The following PRR36 variants were observed in gnomAD, a reference collection of about 807,000 sequenced individuals.
PRR36 encodes the protein proline rich 36.
A neutral mutation model predicts 58.6 loss-of-function variants in PRR36; 30 were observed. The observed-to-expected ratio is 0.51, with a 90% CI of 0.38 to 0.69. The LOEUF is 0.69. PRR36 is among the 30% of genes least tolerant of loss of function. The pLI is 0.00. For synonymous variants in PRR36, 771 were observed against 829.3 expected (o/e 0.93, Z 1.21); for missense variants, 1,692 against 1,805.6 (o/e 0.94, Z 1.14).
In PRR36 at chr19:7,869,971, G is replaced by A; in HGVS notation, c.3273C>T (p.Gly1091=). The change falls in exon 5 of 6, where the codon GGC becomes GGT. Residue 1091 remains glycine, a synonymous_variant. Coordinates refer to ENST00000618550, the MANE Select transcript of PRR36 (RefSeq NM_001190467.2). The part of the protein sequence containing the change: ...PTPGPDTSVS[G]PRLTLALAPG... ...GGGCCAACGCCAGGGTCAGCCGTGGGCCCGAGACGGAGGTATCCGGACCCG... is the reference window on the plus strand; with the variant it reads ...GGGCCAACGCCAGGGTCAGCCGTGGACCCGAGACGGAGGTATCCGGACCCG... The A allele has an allele frequency of 1.4e-6, 2 of 1,392,616 alleles. No homozygotes were observed. Among genetic ancestry groups the A allele is most frequent in the South Asian group, 3.1e-5 (2 of 64,020 alleles). The allele number at this position is 1,392,616 out of a possible 1,614,324, so 86.3% of individuals were successfully genotyped here.
rs1980355918 is a variant in PRR36, at chr19:7,870,487, G to C, written c.2757C>G (p.Pro919=). Residue 919 remains proline (P), a synonymous_variant, in exon 5 of 6, where the codon CCC becomes CCG. Transcript: ENST00000618550. Reference sequence around the variant, plus strand: ...CCTGCAGAGGAGGTGCGGCTAGAGAGGGTGGGGCCTGTGAAGGGGGCGTGG... The same window carrying C: ...CCTGCAGAGGAGGTGCGGCTAGAGACGGTGGGGCCTGTGAAGGGGGCGTGG... ...PSATPPSQAP[P]SLAAPPLQVP... 6 of 1,075,086 alleles carry C rather than the reference G, an allele frequency of 5.6e-6. No homozygotes were observed. The East Asian group carries it at 2.2e-4, about 39-fold the overall frequency. 66.6% of individuals were successfully genotyped at this position (1,075,086 alleles called of 1,614,324 possible).
chr19:7,868,999 G>C lies in PRR36; in HGVS notation c.*34C>G, dbSNP rs1568250299. On this transcript the variant is annotated 3_prime_UTR_variant, in exon 6 of 6. Coordinates refer to ENST00000618550, the MANE Select transcript of PRR36 (RefSeq NM_001190467.2). ...CCCGGAGGGGCGGATCCTAAGGCAG[G>C]GGTGGGGTGTAGCAGGCGGGGCTGT... The C allele has an allele frequency of 2.0e-6, 3 of 1,479,236 alleles. No homozygotes were observed. The highest frequency in any genetic ancestry group is 2.7e-6 in the Non-Finnish European group (3 of 1,116,878). 91.6% of individuals were successfully genotyped at this position (1,479,236 alleles called of 1,614,324 possible).
Position 7,870,844 on chromosome 19 carries a change from C to G in PRR36, c.2400G>C (p.Thr800=). The G allele has an allele frequency of 6.9e-7, 1 of 1,444,440 alleles. No homozygotes were observed. The highest frequency in any genetic ancestry group is 9.0e-7 in the Non-Finnish European group (1 of 1,106,442). 89.5% of individuals were successfully genotyped at this position (1,444,440 alleles called of 1,614,324 possible). A position where few individuals can be genotyped will look rare whatever the true frequency, so the allele number is the denominator to read the frequency against. Residue 800 remains threonine (T), a synonymous_variant, in exon 5 of 6, where the codon ACG becomes ACC. Transcript: ENST00000618550. ...PLQAPPSPLT[T]PPPETPSSIA... is the part of the protein sequence containing the mutation. ...TGGAAGAGGGCGTCTCCGGAGGGGG[C>G]GTGGTCAATGGCGAAGGTGGTGCTT...
At position 7,871,374 on chromosome 19, in the gene PRR36, C is replaced by T; in HGVS notation, c.1870G>A (p.Ala624Thr). Residue 624 changes from alanine (A) to threonine (T), a missense_variant, in exon 5 of 6, where the codon GCC (alanine) becomes ACC (threonine). By Grantham distance (58) the Ala-to-Thr change is moderately conservative. Coordinates refer to ENST00000618550, the MANE Select transcript of PRR36 (RefSeq NM_001190467.2). Reference protein sequence around the residue: ...TTSLGSPTLQATHSFLTMSPR... With the variant: ...TTSLGSPTLQTTHSFLTMSPR... The stretch of plus-strand genomic sequence containing the variant: ...GACATTGTCAGGAAAGAATGTGTGG[C>T]CTGCAGAGTGGGTGAGCCCAAAGAA... 6.5e-7 allele frequency: 1 copy of T among 1,535,370 alleles called. No individual in the cohort carries two copies. Among genetic ancestry groups the T allele is most frequent in the Non-Finnish European group, 8.7e-7 (1 of 1,146,776 alleles).
chr19:7,872,152 A>G lies in PRR36; in HGVS notation c.1092T>C (p.Cys364=), dbSNP rs1220334206. The G allele has an allele frequency of 1.3e-6, 2 of 1,493,634 alleles. No individual in the cohort carries two copies. Among genetic ancestry groups the G allele is most frequent in the Non-Finnish European group, 1.8e-6 (2 of 1,125,148 alleles). The allele number at this position is 1,493,634 out of a possible 1,614,324, so 92.5% of individuals were successfully genotyped here. A position where few individuals can be genotyped will look rare whatever the true frequency, so the allele number is the denominator to read the frequency against. ...PATPHSSSLT[C]QLATPLPLAP... is the part of the protein sequence containing the mutation. ...CTAGAGGAAGGGGCGTGGCCAACTG[A>G]CAGGTAAGGCTCGACGAGTGGGGCG... Residue 364 remains cysteine (C), a synonymous_variant, in exon 5 of 6, where the codon TGT becomes TGC. Transcript: ENST00000618550. This position sits in a 1 kb window ranked among gnomAD's most constrained non-coding sequence, Gnocchi z 6.1.
Position 7,869,197 on chromosome 19 carries a change from C to T in PRR36, c.3877G>A (p.Ala1293Thr). ...TCGGCGTCGCTGAGTGCAGCCCGGGCGCCCCCTGTGACGCCACCACCCTCC... is the reference window on the plus strand; with the variant it reads ...TCGGCGTCGCTGAGTGCAGCCCGGGTGCCCCCTGTGACGCCACCACCCTCC... ...GAEGGGVTGG[A>T]RAALSDAELG... Residue 1293 changes from alanine to threonine, a missense_variant, in exon 6 of 6, where the codon GCC (alanine) becomes ACC (threonine). Around this residue, in one of 5 missense-constraint regions of PRR36, gnomAD observed 485 missense variants for 549.2 expected, o/e 0.88. Transcript: ENST00000618550. 13 of 1,531,930 alleles carry T rather than the reference C, an allele frequency of 8.5e-6. No homozygotes were observed. The highest frequency in any genetic ancestry group is 1.2e-5 in the South Asian group (1 of 83,572). The allele number at this position is 1,531,930 out of a possible 1,614,324, so 94.9% of individuals were successfully genotyped here.
Position 7,871,621 on chromosome 19 carries a change from G to C in PRR36, c.1623C>G (p.Val541=). 6.5e-7 allele frequency: 1 copy of C among 1,536,002 alleles called. No individual in the cohort carries two copies. The highest frequency in any genetic ancestry group is 1.2e-5 in the South Asian group (1 of 84,060). The change falls in exon 5 of 6, where the codon GTC becomes GTG. Residue 541 remains valine, a synonymous_variant. Transcript: ENST00000618550. ...AAACTAGAGGAGGATCCTGCAGAGA[G>C]ACTGTGGTCAAAGGAGAGGGAGAGG... ...LQASPSPLTT[V]SLQDPPLVSP...
rs2145068306 is a variant in PRR36 at position 7,870,967 on chromosome 19, GTTCTCCA to G, written c.2270_2276del (p.Leu757ProfsTer5). On this transcript the variant is annotated frameshift_variant, in exon 5 of 6. Coordinates refer to ENST00000618550, the MANE Select transcript of PRR36 (RefSeq NM_001190467.2). LOFTEE classifies it high-confidence loss of function. ...GAGGAGGCGGGGCTAGAGAAGGTAGGTTCTCCAGAGGGGGTGTGGTCAGGGGAGCAGA... is the reference window on the plus strand; with the variant it reads ...GAGGAGGCGGGGCTAGAGAAGGTAGGGAGGGGGTGTGGTCAGGGGAGCAGA... 285 of 687,466 alleles carry G rather than the reference GTTCTCCA, an allele frequency of 4.1e-4. No individual in the cohort carries two copies. Among genetic ancestry groups the G allele is most frequent in the South Asian group, 3.0e-3 (45 of 15,024 alleles). The allele number at this position is 687,466 out of a possible 1,614,324, so 42.6% of individuals were successfully genotyped here. A position where few individuals can be genotyped will look rare whatever the true frequency, so the allele number is the denominator to read the frequency against.
At position 7,873,234 on chromosome 19, in the gene PRR36, G is replaced by T; in HGVS notation, c.337C>A (p.Pro113Thr). Residue 113 changes from proline (P) to threonine (T), a missense_variant, in exon 3 of 6, where the codon CCT becomes ACT. Pro to Thr is a conservative substitution (Grantham distance 38). Around this residue, in one of 5 missense-constraint regions of PRR36, gnomAD observed 975 missense variants for 955.2 expected, o/e 1.02. Coordinates refer to ENST00000618550, the MANE Select transcript of PRR36 (RefSeq NM_001190467.2). This position sits in a 1 kb window ranked among gnomAD's most constrained non-coding sequence, Gnocchi z 5.0. Reference protein sequence around the residue: ...APPAKNTSPGPVSSPGRASGT... With the variant: ...APPAKNTSPGTVSSPGRASGT... ...CTGGCACGCCCTGGGCTAGAAACAG[G>T]GCCTGGGCTGGTGTTCTTGGCAGGA... 7.2e-6 allele frequency: 11 copies of T among 1,536,064 alleles called. No homozygotes were observed. Among genetic ancestry groups the T allele is most frequent in the Non-Finnish European group, 9.6e-6 (11 of 1,146,860 alleles).
In PRR36 at chr19:7,871,694, G is replaced by A. The variant is rs1686739067; in HGVS notation, c.1550C>T (p.Thr517Ile). 1 of 1,536,058 alleles carries A rather than the reference G, an allele frequency of 6.5e-7. No individual in the cohort carries two copies. Among genetic ancestry groups the A allele is most frequent in the Non-Finnish European group, 8.7e-7 (1 of 1,146,874 alleles). Residue 517 changes from threonine to isoleucine, a missense_variant, in exon 5 of 6, where the codon ACT (threonine) becomes ATT (isoleucine). By Grantham distance (89) the Thr-to-Ile change is moderately conservative. Transcript: ENST00000618550. The stretch of plus-strand genomic sequence containing the variant: ...AAGAGGAGAGTCCTGCAGAGGAAGA[G>A]TGGCCAGAGTGTGGGGCGTGGCCTG... The part of the protein sequence containing the change: ...SLQATPHTLA[T>I]LPLQDSPLLA...
At position 7,872,781 on chromosome 19, in the gene PRR36, G is replaced by A. The variant is rs1395273754; in HGVS notation, c.488-25C>T. On this transcript the variant is annotated intron_variant, in intron 4 of 5. Transcript: ENST00000618550. The surrounding 1 kb of genome is among the most constrained non-coding windows in gnomAD (Gnocchi z 6.1). ...TCTGGAGAAAAAGTAGAAGGCCAAGGGTCACCGATACCTCTGAGGCGGCTC... is the reference window on the plus strand; with the variant it reads ...TCTGGAGAAAAAGTAGAAGGCCAAGAGTCACCGATACCTCTGAGGCGGCTC... 6.6e-7 allele frequency: 1 copy of A among 1,509,862 alleles called. No homozygotes were observed. Among genetic ancestry groups the A allele is most frequent in the East Asian group, 2.5e-5 (1 of 40,574 alleles). 93.5% of individuals were successfully genotyped at this position (1,509,862 alleles called of 1,614,324 possible). A position where few individuals can be genotyped will look rare whatever the true frequency, so the allele number is the denominator to read the frequency against.
rs1283252263 is a variant in PRR36 at position 7,872,622 on chromosome 19, A to G, written c.622T>C (p.Ser208Pro). Residue 208 changes from serine (S) to proline (P), a missense_variant, in exon 5 of 6, where the codon TCA becomes CCA. By Grantham distance (74) the Ser-to-Pro change is moderately conservative. Transcript: ENST00000618550. The surrounding 1 kb of genome is among the most constrained non-coding windows in gnomAD (Gnocchi z 6.1). The stretch of plus-strand genomic sequence containing the variant: ...CTGTGCTCCGAGGCGCTGCTCACTG[A>G]TTTCCGGGGGCCCTCTGTCGGGGGC... ...PRPPTEGPRKSVSSASEHSTT... is the reference protein window; with the variant it reads ...PRPPTEGPRKPVSSASEHSTT... 2 of 1,495,256 alleles carry G rather than the reference A, an allele frequency of 1.3e-6. No individual in the cohort carries two copies. The highest frequency in any genetic ancestry group is 1.4e-5 in the African/African-American group (1 of 70,732). 92.6% of individuals were successfully genotyped at this position (1,495,256 alleles called of 1,614,324 possible).
At chr19:7,869,606 C>G in intron 5 of PRR36, 62 bp from the exon 6 acceptor site, 2 of 1,486,004 alleles carry the variant, frequency 1.3e-6, no homozygotes, top group Non-Finnish European at 1.8e-6. Flanking sequence ...CCTCAAGGTC[C>G]CGCCTCCTTG....
At position 7,870,766 on chromosome 19, in the gene PRR36, C is replaced by A; in HGVS notation, c.2478G>T (p.Gln826His). Residue 826 changes from glutamine (Q) to histidine (H), a missense_variant, in exon 5 of 6, where the codon CAG becomes CAT. Gln to His is a conservative substitution (Grantham distance 24). Transcript: ENST00000618550. ...APPALASPPLQGLPSPPLSPL... is the reference protein window; with the variant it reads ...APPALASPPLHGLPSPPLSPL... ...GAGACAGAGGGGGAGAGGGCAGGCC[C>A]TGCAAAGGGGGTGAGGCCAGAGCAG... 3 of 1,395,082 alleles carry A rather than the reference C, an allele frequency of 2.2e-6. No individual in the cohort carries two copies. Among genetic ancestry groups the A allele is most frequent in the Non-Finnish European group, 2.8e-6 (3 of 1,080,090 alleles). The allele number at this position is 1,395,082 out of a possible 1,614,324, so 86.4% of individuals were successfully genotyped here. A position where few individuals can be genotyped will look rare whatever the true frequency, so the allele number is the denominator to read the frequency against.
At position 7,871,160 on chromosome 19, in the gene PRR36, G is replaced by C. The variant is rs1280616720; in HGVS notation, c.2084C>G (p.Ala695Gly). 1 of 1,535,474 alleles carries C rather than the reference G, an allele frequency of 6.5e-7. No homozygotes were observed. Among genetic ancestry groups the C allele is most frequent in the Admixed American group, 2.0e-5 (1 of 50,912 alleles). ...GAGAGGTGCCTGAGGAGAGTGGGAG[G>C]CCAGAGAAGATAGCGCCTGCAGAGG... ...IHPLQALSSL[A>G]SHSPQAPLSS... The change falls in exon 5 of 6, where the codon GCC (alanine) becomes GGC (glycine). Residue 695 changes from alanine (A) to glycine (G), a missense_variant. Around this residue, in one of 5 missense-constraint regions of PRR36, gnomAD observed 975 missense variants for 955.2 expected, o/e 1.02. Transcript: ENST00000618550.
rs1980301261 is a variant in PRR36 at position 7,869,965 on chromosome 19, C to T, written c.3279G>A (p.Arg1093=). The T allele has an allele frequency of 2.9e-6, 4 of 1,389,002 alleles. No individual in the cohort carries two copies. The highest frequency in any genetic ancestry group is 1.6e-5 in the South Asian group (1 of 63,394). 86.0% of individuals were successfully genotyped at this position (1,389,002 alleles called of 1,614,324 possible). A position where few individuals can be genotyped will look rare whatever the true frequency, so the allele number is the denominator to read the frequency against. ...PGPDTSVSGP[R]LTLALAPGPP... ...GGCCGGGGGCCAACGCCAGGGTCAG[C>T]CGTGGGCCCGAGACGGAGGTATCCG... The change falls in exon 5 of 6, where the codon CGG becomes CGA. Residue 1093 remains arginine (R), a synonymous_variant. Transcript: ENST00000618550.
rs1229155158 is a variant in PRR36 at position 7,870,648 on chromosome 19, G to A, written c.2596C>T (p.Pro866Ser). Residue 866 changes from proline to serine, a missense_variant, in exon 5 of 6, where the codon CCT becomes TCT. By Grantham distance (74) the Pro-to-Ser change is moderately conservative (BLOSUM62 -1). Coordinates refer to ENST00000618550, the MANE Select transcript of PRR36 (RefSeq NM_001190467.2). Reference protein sequence around the residue: ...PSPPASPPLSPLATPSPQAPN... With the variant: ...PSPPASPPLSSLATPSPQAPN... ...GCCTGTGGAGAGGGTGTGGCCAAAG[G>A]AGACAGAGGGGGTGAGGCAGGGGGA... The A allele has an allele frequency of 7.3e-6, 9 of 1,229,088 alleles. No individual in the cohort carries two copies. Among genetic ancestry groups the A allele is most frequent in the Admixed American group, 8.3e-5 (2 of 24,170 alleles). 76.1% of individuals were successfully genotyped at this position (1,229,088 alleles called of 1,614,324 possible). A position where few individuals can be genotyped will look rare whatever the true frequency, so the allele number is the denominator to read the frequency against.
rs1980366628 is a variant in PRR36, at chr19:7,870,572, G to C, written c.2672C>G (p.Pro891Arg). ...GAAAGGGGCCTGCACTGGGGGTGAG[G>C]GAGGGGGAGAGAAAGGGGCCTGCAG... The part of the protein sequence containing the change: ...HLLQAPFSPP[P>R]SPPVQAPFSP... Residue 891 changes from proline (P) to arginine (R), a missense_variant, in exon 5 of 6, where the codon CCC becomes CGC. Around this residue, in one of 5 missense-constraint regions of PRR36, gnomAD observed 171 missense variants for 146.2 expected, o/e 1.17. Transcript: ENST00000618550. The C allele has an allele frequency of 1.5e-5, 19 of 1,230,384 alleles. No homozygotes were observed. In the East Asian group the frequency reaches 6.4e-4, roughly 41 times the overall value. 76.2% of individuals were successfully genotyped at this position (1,230,384 alleles called of 1,614,324 possible). A position where few individuals can be genotyped will look rare whatever the true frequency, so the allele number is the denominator to read the frequency against.
Position 7,870,834 on chromosome 19 carries a change from C to G in PRR36, c.2410G>C (p.Glu804Gln). Residue 804 changes from glutamate to glutamine, a missense_variant, in exon 5 of 6, where the codon GAG (glutamate) becomes CAG (glutamine). Glu to Gln is a conservative substitution (Grantham distance 29, BLOSUM62 2). Around this residue, in one of 5 missense-constraint regions of PRR36, gnomAD observed 171 missense variants for 146.2 expected, o/e 1.17. Transcript: ENST00000618550. ...PPSPLTTPPP[E>Q]TPSSIATPPP... ...GGCGTGGCTATGGAAGAGGGCGTCT[C>G]CGGAGGGGGCGTGGTCAATGGCGAA... The G allele has an allele frequency of 6.9e-7, 1 of 1,439,200 alleles. No homozygotes were observed. Among genetic ancestry groups the G allele is most frequent in the South Asian group, 1.5e-5 (1 of 67,914 alleles). The allele number at this position is 1,439,200 out of a possible 1,614,324, so 89.2% of individuals were successfully genotyped here.
Sources: gnomAD v4.1 joint callset for allele counts on GRCh38, gnomAD v4.1.1 for gene constraint, gnomAD v4.1.1 regional missense constraint, Gnocchi (gnomAD v3.1) non-coding constraint, MANE v1.5 for transcripts, NCBI Gene and HGNC (gene_info 2026-07-23, HGNC 2026-07-21) for gene names.